FRMD3: variants seen among roughly 807,000 people sequenced by gnomAD.
FRMD3 encodes FERM domain containing 3, also known as FERM domain-containing protein 3.
FRMD3 carries 33 observed loss-of-function variants against 70.2 expected under a neutral mutation model. The observed-to-expected ratio is 0.47, with a 90% CI of 0.36 to 0.63. FRMD3 has a LOEUF of 0.63. FRMD3 is among the 20% of genes least tolerant of loss of function. FRMD3 has a pLI of 0.00. For synonymous variants in FRMD3, 279 were observed against 255.9 expected, an observed-to-expected ratio of 1.09 and a Z score of -0.86; for missense variants, 632 against 711.4, an observed-to-expected ratio of 0.89 and a Z score of 1.27.
At chr9:83,298,205 A>G (rs1175004252) in intron 12 of FRMD3, among the ~76,000 whole-genome samples, 1 of 152,198 alleles carries the variant, frequency 6.6e-6, no homozygotes, top group African/African-American at 2.4e-5. Context: ...ATTTGTGTAA[A>G]TTGTGGTAGT....
In FRMD3 at chr9:83,504,007, G is replaced by A. The variant is rs113113141; in HGVS notation, c.147+34078C>T. 1.1e-4 allele frequency among the ~76,000 whole-genome samples: 17 copies of A among 152,276 alleles called. 1 individual carries two copies. Among genetic ancestry groups the A allele is most frequent in the African/African-American group, 2.9e-4 (12 of 41,566 alleles). On this transcript the variant is annotated intron_variant, in intron 1 of 13. Transcript: ENST00000304195. ...AGGGCGGGAGTGGGGAGGTGGTAACGGAAGAGAATACACTCCGCATCCTGC... is the reference window on the plus strand; with the variant it reads ...AGGGCGGGAGTGGGGAGGTGGTAACAGAAGAGAATACACTCCGCATCCTGC...
At chr9:83,313,482 A>G (rs377670629) in intron 7 of FRMD3, among the ~76,000 whole-genome samples, 178 bp downstream of exon 7, 3 of 152,252 alleles carry the variant, frequency 2.0e-5, no homozygotes, top group African/African-American at 4.8e-5. Flanking sequence ...GAAGACTCCA[A>G]TGGAGAAAAT....
At chr9:83,410,200 C>A (rs180923248) in intron 1 of FRMD3, among the ~76,000 whole-genome samples, 1 of 152,150 alleles carries the variant, frequency 6.6e-6, no homozygotes, top group Admixed American at 6.5e-5. Flanking sequence ...GTTTGTTACC[C>A]GGGAATACCG....
chr9:83,254,497 A>G (rs915359244), intron 13 of FRMD3, among the ~76,000 whole-genome samples: 5 of 151,938 alleles, frequency 3.3e-5, no homozygotes, highest in Non-Finnish European at 7.4e-5. Flanking sequence ...GTGCAAACAA[A>G]CCCCAAAGCT....
At chr9:83,316,161 C>CTTTTTTTTTTTTTTTTTTTTTT (rs34851421) in intron 6 of FRMD3, among the ~76,000 whole-genome samples, 2 of 112,606 alleles carry the variant, frequency 1.8e-5, no homozygotes, top group Non-Finnish European at 3.5e-5. Flanking sequence ...TTTTTTTTTT[C>CTTTTTTTTTTTTTTTTTTTTTT]TTTTTTTTTT....
chr9:83,474,984 G>A, intron 1 of FRMD3, among the ~76,000 whole-genome samples: 1 of 152,034 alleles, frequency 6.6e-6, no homozygotes, highest in East Asian at 1.9e-4. Flanking sequence ...ACCTGGGTAG[G>A]GAGATTGAGT....
At chr9:83,253,842 C>A (rs1338202825) in intron 13 of FRMD3, among the ~76,000 whole-genome samples, 3 of 152,128 alleles carry the variant, frequency 2.0e-5, no homozygotes, top group East Asian at 3.8e-4. Flanking sequence ...ACTATTCACA[C>A]TGGCAAAGAC....
chr9:83,520,564 T>C (rs1056355341), intron 1 of FRMD3, among the ~76,000 whole-genome samples: 2 of 152,166 alleles, frequency 1.3e-5, no homozygotes, highest in Non-Finnish European at 2.9e-5. Context: ...ATTAAATAGC[T>C]ATGAAAATTC....
Position 83,259,114 on chromosome 9 carries a change from G to A in FRMD3, c.1196-10598C>T, listed in dbSNP as rs144515343. On this transcript the variant is annotated intron_variant, in intron 13 of 13. Transcript: ENST00000304195. ...TAGTGTCATTTGATGGGTAGGGGTC[G>A]GGGATGCCAGACATGCTGAAATGTG... 3.5e-4 allele frequency among the ~76,000 whole-genome samples: 53 copies of A among 152,242 alleles called. No homozygotes were observed. The East Asian group carries it at 9.3e-3, about 27-fold the overall frequency.
Position 83,248,001 on chromosome 9 carries a change from A to G in FRMD3, c.1711T>C (p.Phe571Leu), listed in dbSNP as rs2118492862. 1 of 1,614,190 alleles carries G rather than the reference A, an allele frequency of 6.2e-7. No homozygotes were observed. Among genetic ancestry groups the G allele is most frequent in the South Asian group, 1.1e-5 (1 of 91,074 alleles). ...AGGGGACAGTAGTATTCATAGTGAA[A>G]CTGCTCAAACTCTGGTGTCTGGCGG... ...EIRQTPEFEQ[F>L]HYEYYCPLKE... is the part of the protein sequence containing the mutation. Residue 571 changes from phenylalanine (F) to leucine (L), a missense_variant, in exon 14 of 14, where the codon TTT (phenylalanine) becomes CTT (leucine). Phe to Leu is a conservative substitution (Grantham distance 22, BLOSUM62 0). Transcript: ENST00000304195.
In FRMD3 at chr9:83,526,586, A is replaced by T. The variant is rs143981007; in HGVS notation, c.147+11499T>A. On this transcript the variant is annotated intron_variant, in intron 1 of 13. Transcript: ENST00000304195. ...GATACTTACTGATGCCCCAGCCTGC[A>T]CTTGGTGCCTCCTCTTAGTCCTCCA... Among the ~76,000 whole-genome samples, 421 of 152,292 alleles carry T rather than the reference A, an allele frequency of 2.8e-3. 4 individuals are homozygous for T. The highest frequency in any genetic ancestry group is 9.6e-3 in the African/African-American group (400 of 41,560).
intron 1 of FRMD3, among the ~76,000 whole-genome samples, chr9:83,400,039 G>C (rs1050619326): frequency 3.0e-4 from 45 of 151,972 alleles, no homozygotes; most frequent in African/African-American, 1.1e-3. Context: ...GAGAGGAGAA[G>C]AGAGAAAAGA....
intron 12 of FRMD3, chr9:83,297,797 A>C (rs1322932383): frequency 4.2e-6 from 2 of 471,844 alleles, no homozygotes; most frequent in Non-Finnish European, 4.4e-6. Context: ...AAGCAGGAAC[A>C]AATTTTCTTC....
intron 1 of FRMD3, among the ~76,000 whole-genome samples, chr9:83,416,755 C>CTCTCTCTCTCTCTCTG (rs1420446356): frequency 0.01 from 1,080 of 106,668 alleles, 18 homozygotes; most frequent in African/African-American, 0.042. Context: ...GTCTCTCTCT[C>CTCTCTCTCTCTCTCTG]TCTCTCTCTC....
chr9:83,257,762 G>C (rs1832784966), intron 13 of FRMD3, among the ~76,000 whole-genome samples: 1 of 152,020 alleles, frequency 6.6e-6, no homozygotes, highest in South Asian at 2.1e-4. Flanking sequence ...GAAGCCTCCT[G>C]AATATATTCA....
Position 83,246,112 on chromosome 9 carries a change from GCT to G in FRMD3, c.*1804_*1805del. On this transcript the variant is annotated 3_prime_UTR_variant, in exon 14 of 14. Transcript: ENST00000304195. ...TTAAATGTCCAGTGAAGTACTCAGA[GCT>G]CCACTGAGTGAGTGGAAATGTATTG... The G allele has an allele frequency of 1.0e-6, 1 of 984,406 alleles. No homozygotes were observed. Among genetic ancestry groups the G allele is most frequent in the Non-Finnish European group, 1.2e-6 (1 of 829,078 alleles). The allele number at this position is 984,406 out of a possible 1,614,324, so 61.0% of individuals were successfully genotyped here.
chr9:83,434,545 C>T (rs979078848), intron 1 of FRMD3, among the ~76,000 whole-genome samples: 1 of 152,112 alleles, frequency 6.6e-6, no homozygotes, highest in Admixed American at 6.5e-5. Flanking sequence ...TCCTGCTTAC[C>T]CAGCAGTAGA....
intron 12 of FRMD3, among the ~76,000 whole-genome samples, chr9:83,296,676 T>C (rs998868621): frequency 5.9e-5 from 9 of 152,190 alleles, no homozygotes; most frequent in African/African-American, 2.2e-4. Context: ...CCCCAGGTCC[T>C]TGTTTGCAGT....
intron 1 of FRMD3, among the ~76,000 whole-genome samples, chr9:83,398,300 A>G (rs900298756): frequency 4.6e-5 from 7 of 152,206 alleles, no homozygotes; most frequent in Non-Finnish European, 1.0e-4. Flanking sequence ...CCTATTGCAA[A>G]CAGTAACTAG....
Sources: gnomAD v4.1 joint callset for allele counts (sites outside exome capture counted in the v4.1 genomes callset) on GRCh38, gnomAD v4.1.1 for gene constraint, MANE v1.5 for transcripts, NCBI Gene and HGNC (gene_info 2026-07-23, HGNC 2026-07-21) for gene names.